The following KCNH5 variants were observed in gnomAD, a reference collection of about 807,000 sequenced individuals.
KCNH5 encodes the protein voltage-gated delayed rectifier potassium channel KCNH5.
In KCNH5, 46 loss-of-function variants were observed where a neutral mutation model predicts 96.1. The observed-to-expected ratio is 0.48, with a 90% CI of 0.38 to 0.61. KCNH5 has a LOEUF of 0.61. Ranked by LOEUF, KCNH5 falls within the 20% of genes least tolerant of loss-of-function variation. The pLI is 0.00. For missense variants in KCNH5, 907 were observed against 1,225.8 expected, an observed-to-expected ratio of 0.74 and a Z score of 3.88; for synonymous variants, 439 against 449.8, an observed-to-expected ratio of 0.98 and a Z score of 0.30.
In KCNH5 at chr14:62,864,366, A is replaced by G. The variant is rs146036771; in HGVS notation, c.1370-14514T>C. 5.2e-3 allele frequency among the ~76,000 whole-genome samples: 785 copies of G among 152,326 alleles called. 3 individuals carry two copies. The highest frequency in any genetic ancestry group is 0.018 in the African/African-American group (753 of 41,576). ...CACTCTTCTCCAAACTGGTTTTCACATTCATCTGAATGAACATAAAGTATA... is the reference window on the plus strand; with the variant it reads ...CACTCTTCTCCAAACTGGTTTTCACGTTCATCTGAATGAACATAAAGTATA... On this transcript the variant is annotated intron_variant, in intron 7 of 10. Coordinates refer to ENST00000322893, the MANE Select transcript of KCNH5 (RefSeq NM_139318.5).
intron 10 of KCNH5, among the ~76,000 whole-genome samples, chr14:62,771,950 A>G (rs1885996767): frequency 6.6e-6 from 1 of 152,216 alleles, no homozygotes; most frequent in Non-Finnish European, 1.5e-5. Flanking sequence ...ATGGTATTTA[A>G]AAGGGAAACC....
chr14:62,809,394 A>G (rs1325179468), intron 8 of KCNH5, among the ~76,000 whole-genome samples: 34 of 152,154 alleles, frequency 2.2e-4, no homozygotes, highest in Admixed American at 2.1e-3. Context: ...TGTAGAGCCA[A>G]TAAAAGCCCT....
intron 9 of KCNH5, among the ~76,000 whole-genome samples, chr14:62,790,793 G>A (rs1470181643): frequency 6.6e-6 from 1 of 151,538 alleles, no homozygotes; most frequent in South Asian, 2.1e-4. Context: ...TTTGCATATA[G>A]AAATGCTGCT....
In KCNH5 at chr14:62,703,230, A is replaced by T. The variant is rs1028251882; in HGVS notation, c.*4278T>A. On this transcript the variant is annotated 3_prime_UTR_variant, in exon 11 of 11. Transcript: ENST00000322893. ...TATGCTTACCTGCCACTAGCAAACT[A>T]TGCCTCTCTCCATTAACCTCTGACC... 1.3e-5 allele frequency: 2 copies of T among 152,004 alleles called. No individual in the cohort carries two copies. The highest frequency in any genetic ancestry group is 3.0e-5 in the Non-Finnish European group (2 of 67,792). 9.4% of individuals were successfully genotyped at this position (152,004 alleles called of 1,614,324 possible).
At chr14:62,964,215 C>T (rs1594648861) in intron 6 of KCNH5, among the ~76,000 whole-genome samples, 1 of 152,080 alleles carries the variant, frequency 6.6e-6, no homozygotes, top group Non-Finnish European at 1.5e-5. Context: ...TAGGGCCATA[C>T]ATTAGGTTCT....
At chr14:63,025,280 CA>C (rs34820488) in intron 1 of KCNH5, among the ~76,000 whole-genome samples, 1 of 152,048 alleles carries the variant, frequency 6.6e-6, no homozygotes, top group South Asian at 2.1e-4. Flanking sequence ...TACTCAATGA[CA>C]AAAAGTTGAA....
At chr14:62,942,723 T>C (rs1224887283) in intron 7 of KCNH5, among the ~76,000 whole-genome samples, 1 of 152,246 alleles carries the variant, frequency 6.6e-6, no homozygotes, top group African/African-American at 2.4e-5. Flanking sequence ...AGAAAGTTTT[T>C]AGATGTTTAC....
chr14:63,045,223 G>T lies in KCNH5; in HGVS notation c.-37C>A, dbSNP rs1395837235. ...AGAGCAGCGGCCAGGATCCGCGGCGGGGGAGGGGGGGATGCAGGCAAAGAA... is the reference window on the plus strand; with the variant it reads ...AGAGCAGCGGCCAGGATCCGCGGCGTGGGAGGGGGGGATGCAGGCAAAGAA... On this transcript the variant is annotated 5_prime_UTR_variant, in exon 1 of 11. Transcript: ENST00000322893. 3 of 1,497,138 alleles carry T rather than the reference G, an allele frequency of 2.0e-6. No individual in the cohort carries two copies. The South Asian group carries it at 3.4e-5, about 17-fold the overall frequency. The allele number at this position is 1,497,138 out of a possible 1,614,324, so 92.7% of individuals were successfully genotyped here. A position where few individuals can be genotyped will look rare whatever the true frequency, so the allele number is the denominator to read the frequency against.
chr14:62,813,518 C>T (rs1427127378), intron 8 of KCNH5, among the ~76,000 whole-genome samples: 1 of 152,090 alleles, frequency 6.6e-6, no homozygotes, highest in Non-Finnish European at 1.5e-5. Flanking sequence ...CTATAAAATC[C>T]TTCTTCAGGA....
In KCNH5 at chr14:62,702,156, T is replaced by C. The variant is rs958456353; in HGVS notation, c.*5352A>G. ...AAGAAAATGTTGATACCAGTGACCATATATCAAACATACCACATTTGACAG... is the reference window on the plus strand; with the variant it reads ...AAGAAAATGTTGATACCAGTGACCACATATCAAACATACCACATTTGACAG... On this transcript the variant is annotated 3_prime_UTR_variant, in exon 11 of 11. Coordinates refer to ENST00000322893, the MANE Select transcript of KCNH5 (RefSeq NM_139318.5). 2.0e-5 allele frequency: 3 copies of C among 152,088 alleles called. No individual in the cohort carries two copies. The highest frequency in any genetic ancestry group is 6.6e-5 in the Admixed American group (1 of 15,254). The allele number at this position is 152,088 out of a possible 1,614,324, so 9.4% of individuals were successfully genotyped here.
At chr14:62,792,249 C>A (rs2139989711) in intron 9 of KCNH5, among the ~76,000 whole-genome samples, 1 of 151,522 alleles carries the variant, frequency 6.6e-6, no homozygotes, top group South Asian at 2.1e-4. Context: ...ATCATAAATA[C>A]TAGCTTGAAG....
At chr14:62,734,817 T>G (rs1885123588) in intron 10 of KCNH5, among the ~76,000 whole-genome samples, 1 of 152,156 alleles carries the variant, frequency 6.6e-6, no homozygotes, top group Non-Finnish European at 1.5e-5. Flanking sequence ...TAGCCAAAAC[T>G]TAACATCAAT....
chr14:62,740,118 C>T (rs962556263), intron 10 of KCNH5, among the ~76,000 whole-genome samples: 3 of 152,058 alleles, frequency 2.0e-5, no homozygotes, highest in Admixed American at 6.6e-5. Context: ...AGAAGAAAAA[C>T]AAAGGTCAAG....
chr14:62,783,065 C>T (rs956071493), intron 9 of KCNH5, among the ~76,000 whole-genome samples: 2 of 152,070 alleles, frequency 1.3e-5, no homozygotes, highest in Non-Finnish European at 2.9e-5. Context: ...AAATATTATG[C>T]AGCCACAAGG....
chr14:62,818,846 T>C (rs186173086), intron 8 of KCNH5, among the ~76,000 whole-genome samples: 2 of 152,278 alleles, frequency 1.3e-5, no homozygotes, highest in East Asian at 3.9e-4. Context: ...TGATTCCACT[T>C]ATATGAAGAT....
chr14:62,869,750 C>T (rs1484590635), intron 7 of KCNH5, among the ~76,000 whole-genome samples: 2 of 152,130 alleles, frequency 1.3e-5, no homozygotes, highest in Non-Finnish European at 2.9e-5. Flanking sequence ...AAAACAGATA[C>T]ATAGACCAGC....
chr14:62,965,622 T>G lies in KCNH5; in HGVS notation c.943-15063A>C, dbSNP rs141406461. The stretch of plus-strand genomic sequence containing the variant: ...TCTGTTATAGCTACACATAATGGAC[T>G]AAGAGAGCCATCCCTGTATATTTCT... On this transcript the variant is annotated intron_variant, in intron 6 of 10. Transcript: ENST00000322893. Among the ~76,000 whole-genome samples, 1,178 of 151,490 alleles carry G rather than the reference T, an allele frequency of 7.8e-3. 7 individuals are homozygous for G. Among genetic ancestry groups the G allele is most frequent in the East Asian group, 0.042 (217 of 5,152 alleles).
chr14:62,814,782 C>CAAAAAGAAAAAA (rs772584111), intron 8 of KCNH5, among the ~76,000 whole-genome samples: 1 of 33,750 alleles, frequency 3.0e-5, no homozygotes, highest in African/African-American at 1.5e-4. Context: ...GACTCCATCT[C>CAAAAAGAAAAAA]AAAAAAAAAA....
At chr14:63,017,219 C>A (rs1891343214) in intron 1 of KCNH5, among the ~76,000 whole-genome samples, 1 of 151,854 alleles carries the variant, frequency 6.6e-6, no homozygotes, top group Non-Finnish European at 1.5e-5. Context: ...CAAGTATACC[C>A]TAAGCTATGA....
Sources: allele counts gnomAD v4.1 joint callset (sites outside exome capture counted in the v4.1 genomes callset), GRCh38; gene constraint gnomAD v4.1.1; transcripts MANE v1.5; gene names NCBI Gene and HGNC (gene_info 2026-07-23, HGNC 2026-07-21).